The following HDAC9 variants were observed in gnomAD, a reference collection of about 807,000 sequenced individuals.
The protein encoded by HDAC9 is histone deacetylase 9.
HDAC9 carries 41 observed loss-of-function variants against 139.4 expected under a neutral mutation model. The ratio of observed to expected loss-of-function variants is 0.29; its 90% CI spans 0.23 to 0.38. HDAC9 has a LOEUF of 0.38. Ranked by LOEUF, HDAC9 falls within the 10% of genes least tolerant of loss-of-function variation. The probability of loss-of-function intolerance (pLI) is 1.00; values close to 1 mark genes in which losing one functional copy is unlikely to be tolerated. For missense variants in HDAC9, 1,147 were observed against 1,297.0 expected (o/e 0.88, Z 1.78); for synonymous variants, 517 against 476.2 (o/e 1.09, Z -1.12).
intron 1 of HDAC9, among the ~76,000 whole-genome samples, chr7:18,097,122 T>C (rs561482171): frequency 3.0e-4 from 45 of 152,344 alleles, no homozygotes; most frequent in African/African-American, 1.1e-3. Context: ...TATTTAGTTT[T>C]AATGAGTGCA....
chr7:18,660,559 A>G (rs1209461904), intron 11 of HDAC9, among the ~76,000 whole-genome samples: 1 of 152,198 alleles, frequency 6.6e-6, no homozygotes, highest in Non-Finnish European at 1.5e-5. Flanking sequence ...CATATAGCTT[A>G]TGCCCTATGA....
intron 24 of HDAC9, among the ~76,000 whole-genome samples, chr7:18,975,222 T>C (rs1462449079): frequency 6.6e-6 from 1 of 152,204 alleles, no homozygotes; most frequent in Non-Finnish European, 1.5e-5. Context: ...AGCCAGTATA[T>C]ATATTAAAGT....
At chr7:18,605,946 C>G (rs2128890747) in intron 6 of HDAC9, among the ~76,000 whole-genome samples, 1 of 152,130 alleles carries the variant, frequency 6.6e-6, no homozygotes, top group East Asian at 1.9e-4. Flanking sequence ...TCCGAAAGTG[C>G]TGGGATTACA....
intron 1 of HDAC9, among the ~76,000 whole-genome samples, chr7:18,467,173 C>G (rs1689307160): frequency 6.6e-6 from 1 of 152,132 alleles, no homozygotes; most frequent in South Asian, 2.1e-4. Flanking sequence ...TCACACATTC[C>G]AAACTTACTG....
chr7:18,947,389 C>A (rs1782479522), intron 23 of HDAC9, among the ~76,000 whole-genome samples: 1 of 151,428 alleles, frequency 6.6e-6, no homozygotes, highest in Admixed American at 6.6e-5. Context: ...GCATGCATGC[C>A]CAGCACTGGG....
At chr7:18,091,315 A>T (rs528373871) in intron 1 of HDAC9, among the ~76,000 whole-genome samples, 1 of 152,358 alleles carries the variant, frequency 6.6e-6, no homozygotes, top group South Asian at 2.1e-4. Context: ...CAGAGAGAGT[A>T]TAACGTGTTT....
At chr7:18,368,337 A>G (rs1378213270) in intron 1 of HDAC9, among the ~76,000 whole-genome samples, 4 of 151,922 alleles carry the variant, frequency 2.6e-5, no homozygotes, top group African/African-American at 7.2e-5. Context: ...TGAGGTGCAG[A>G]TCCAGTTTCA....
intron 1 of HDAC9, among the ~76,000 whole-genome samples, chr7:18,310,061 G>A (rs924725176): frequency 6.7e-6 from 1 of 149,996 alleles, no homozygotes; most frequent in Non-Finnish European, 1.5e-5. Context: ...TCGTGTTCCT[G>A]ATCATTCAGA....
chr7:18,390,703 C>G (rs1416852324), intron 1 of HDAC9, among the ~76,000 whole-genome samples: 1 of 152,216 alleles, frequency 6.6e-6, no homozygotes, highest in African/African-American at 2.4e-5. Context: ...TTGCCACTAA[C>G]TAGCTGCATG....
Position 18,790,218 on chromosome 7 carries a change from G to A in HDAC9, c.2215-3127G>A, listed in dbSNP as rs181300741. On this transcript the variant is annotated intron_variant, in intron 16 of 25. Coordinates refer to ENST00000686413, the MANE Select transcript of HDAC9 (RefSeq NM_178425.4). ...AATTTGACTTATGAACAAGATTTTG[G>A]GATTTAATCTTACTATGAACTGAAG... 2.0e-4 allele frequency among the ~76,000 whole-genome samples: 30 copies of A among 152,132 alleles called. No homozygotes were observed. The East Asian group carries it at 5.8e-3, about 29-fold the overall frequency.
intron 1 of HDAC9, among the ~76,000 whole-genome samples, chr7:18,387,037 C>G (rs1437101471): frequency 6.6e-6 from 1 of 152,182 alleles, no homozygotes; most frequent in Admixed American, 6.5e-5. Flanking sequence ...AGTCTCAGAT[C>G]TGCCTAGTTC....
chr7:18,384,826 G>A (rs1470470444), intron 1 of HDAC9, among the ~76,000 whole-genome samples: 1 of 152,004 alleles, frequency 6.6e-6, no homozygotes, highest in Admixed American at 6.6e-5. Context: ...AGCAGAAGGG[G>A]GTTTATTTTA....
At chr7:18,814,224 A>G (rs928067186) in intron 17 of HDAC9, among the ~76,000 whole-genome samples, 4 of 152,222 alleles carry the variant, frequency 2.6e-5, no homozygotes, top group Admixed American at 1.3e-4. Flanking sequence ...TAAAAATAAC[A>G]TAAATGGGAA....
intron 1 of HDAC9, among the ~76,000 whole-genome samples, chr7:18,464,171 G>C (rs527870937): frequency 4.4e-4 from 67 of 151,948 alleles, no homozygotes; most frequent in Middle Eastern, 3.4e-3. Flanking sequence ...CTTTTGGTTA[G>C]TGTTTGCATA....
chr7:18,450,224 T>C (rs1190999925), intron 1 of HDAC9, among the ~76,000 whole-genome samples: 5 of 152,190 alleles, frequency 3.3e-5, no homozygotes, highest in Non-Finnish European at 7.4e-5. Flanking sequence ...TCAGCAAGAT[T>C]ATTGTGAAAT....
Position 18,518,682 on chromosome 7 carries a change from T to C in HDAC9, c.22+22358T>C, listed in dbSNP as rs142939215. On this transcript the variant is annotated intron_variant, in intron 2 of 25. Coordinates refer to ENST00000686413, the MANE Select transcript of HDAC9 (RefSeq NM_178425.4). ...TTGTCCCACCTCCATTAAAGCCGAC[T>C]GCTGTATTTAACTGGCCCTGAGGGA... 2.0e-5 allele frequency among the ~76,000 whole-genome samples: 3 copies of C among 152,320 alleles called. No homozygotes were observed. In the East Asian group the frequency reaches 5.8e-4, roughly 29 times the overall value.
At chr7:18,441,670 CAAAA>C (rs1390617958) in intron 1 of HDAC9, among the ~76,000 whole-genome samples, 1 of 152,106 alleles carries the variant, frequency 6.6e-6, no homozygotes, top group Non-Finnish European at 1.5e-5. Context: ...AAATATAAAA[CAAAA>C]GAAAGAAAAT....
At chr7:18,767,497 C>G (rs1789930881) in intron 16 of HDAC9, among the ~76,000 whole-genome samples, 1 of 152,186 alleles carries the variant, frequency 6.6e-6, no homozygotes, top group Non-Finnish European at 1.5e-5. Flanking sequence ...GAGAGTTTAA[C>G]ACAGATTTGC....
intron 6 of HDAC9, among the ~76,000 whole-genome samples, chr7:18,601,712 G>A (rs1004484020): frequency 1.3e-5 from 2 of 152,104 alleles, no homozygotes; most frequent in Non-Finnish European, 2.9e-5. Flanking sequence ...TCTCTTTTCT[G>A]TATCAACTGA....
Sources: gnomAD v4.1 joint callset for allele counts (sites outside exome capture counted in the v4.1 genomes callset) on GRCh38, gnomAD v4.1.1 for gene constraint, MANE v1.5 for transcripts, NCBI Gene and HGNC (gene_info 2026-07-23, HGNC 2026-07-21) for gene names.